Variants in GALNT13 observed in about 807,000 individuals in gnomAD.
GALNT13 encodes the protein UDP-GalNAc:polypeptide N-acetylgalactosaminyltransferase 13.
GALNT13 carries 28 observed loss-of-function variants against 64.2 expected under a neutral mutation model. That is an observed-to-expected ratio of 0.44 (90% CI 0.32 to 0.60). GALNT13 has a LOEUF of 0.60. Ranked by LOEUF, GALNT13 falls within the 20% of genes least tolerant of loss-of-function variation. The probability of loss-of-function intolerance (pLI) is 0.05; values close to 1 mark genes in which losing one functional copy is unlikely to be tolerated. For missense variants in GALNT13, 577 were observed against 669.8 expected (o/e 0.86, Z 1.53); for synonymous variants, 214 against 224.6 (o/e 0.95, Z 0.42).
the GALNT13 span, among the ~76,000 whole-genome samples, chr2:153,453,600 A>G: frequency 6.6e-6 from 1 of 152,208 alleles, no homozygotes; most frequent in East Asian, 1.9e-4. Context: ...TGTTATTATT[A>G]AAAAGTCAAA....
the GALNT13 span, among the ~76,000 whole-genome samples, chr2:153,432,455 G>A: frequency 6.6e-6 from 1 of 152,160 alleles, no homozygotes; most frequent in Admixed American, 6.6e-5. Context: ...GTGAGGGCCT[G>A]AAAATTGATT....
At chr2:153,568,675 C>T in the GALNT13 span, among the ~76,000 whole-genome samples, 3 of 152,108 alleles carry the variant, frequency 2.0e-5, no homozygotes, top group Admixed American at 2.0e-4. Flanking sequence ...CACAAGTGTA[C>T]AGCTCAATAA....
At chr2:153,718,914 CTAAT>C in the GALNT13 span, among the ~76,000 whole-genome samples, 1 of 152,094 alleles carries the variant, frequency 6.6e-6, no homozygotes, top group Non-Finnish European at 1.5e-5. Context: ...CACTACATGT[CTAAT>C]TAAACACGGG....
chr2:153,221,405 A>G, the GALNT13 span, among the ~76,000 whole-genome samples: 1 of 152,212 alleles, frequency 6.6e-6, no homozygotes, highest in Non-Finnish European at 1.5e-5. Flanking sequence ...GATGGAAAAA[A>G]ATACATCATG....
the GALNT13 span, among the ~76,000 whole-genome samples, chr2:153,235,185 C>G: frequency 6.6e-6 from 1 of 152,090 alleles, no homozygotes; most frequent in Non-Finnish European, 1.5e-5. Flanking sequence ...TATTCTGAGA[C>G]ATAACAATAT....
At chr2:154,078,813 G>A (rs1397366290) in intron 3 of GALNT13, among the ~76,000 whole-genome samples, 1 of 151,494 alleles carries the variant, frequency 6.6e-6, no homozygotes, top group Non-Finnish European at 1.5e-5. Context: ...GCAGCTTCTA[G>A]AGCCAGATCA....
rs540437010 is a variant in GALNT13, at chr2:154,042,386, C to G, written c.142+97747C>G. On this transcript the variant is annotated intron_variant, in intron 3 of 12. Coordinates refer to ENST00000392825, the MANE Select transcript of GALNT13 (RefSeq NM_052917.4). Reference sequence around the variant, plus strand: ...TTGCTCCCTACTTTCAAAGAAATACCTTATAGTCAGTGGGGGAAAAAAAAC... The same window carrying G: ...TTGCTCCCTACTTTCAAAGAAATACGTTATAGTCAGTGGGGGAAAAAAAAC... Among the ~76,000 whole-genome samples, 28 of 123,752 alleles carry G rather than the reference C, an allele frequency of 2.3e-4. 2 individuals carry two copies. The highest frequency in any genetic ancestry group is 6.7e-4 in the African/African-American group (27 of 40,358). The allele number at this position is 123,752 out of a possible 152,430, so 81.2% of individuals were successfully genotyped here.
At chr2:154,209,953 T>C (rs1687675268) in intron 4 of GALNT13, among the ~76,000 whole-genome samples, 1 of 152,186 alleles carries the variant, frequency 6.6e-6, no homozygotes, top group African/African-American at 2.4e-5. Flanking sequence ...ACAAAAACTA[T>C]CCCTCCTGTC....
chr2:153,525,051 C>G, the GALNT13 span, among the ~76,000 whole-genome samples: 30 of 152,232 alleles, frequency 2.0e-4, 1 homozygote, highest in South Asian at 2.7e-3. Flanking sequence ...TTCTGGATAC[C>G]AGATCAGCCA....
chr2:154,247,945 G>A (rs1436713139), intron 7 of GALNT13, among the ~76,000 whole-genome samples: 2 of 152,014 alleles, frequency 1.3e-5, no homozygotes, highest in African/African-American at 2.4e-5. Flanking sequence ...TAATGTGAAC[G>A]TTCCTTCTAC....
the GALNT13 span, among the ~76,000 whole-genome samples, chr2:153,324,997 C>T: frequency 1.3e-5 from 2 of 151,068 alleles, no homozygotes; most frequent in African/African-American, 4.9e-5. Flanking sequence ...TGCTCTCATA[C>T]AATGATTTAG....
At chr2:154,222,142 A>C (rs1010086060) in intron 4 of GALNT13, among the ~76,000 whole-genome samples, 2 of 152,050 alleles carry the variant, frequency 1.3e-5, no homozygotes, top group African/African-American at 4.8e-5. Context: ...CTTTTTGCAC[A>C]ATTTACAGGT....
chr2:154,316,903 A>T (rs1694348163), intron 9 of GALNT13, among the ~76,000 whole-genome samples: 1 of 152,216 alleles, frequency 6.6e-6, no homozygotes, highest in African/African-American at 2.4e-5. Context: ...AGTGAAAGGA[A>T]TGGAGCTTTG....
the GALNT13 span, among the ~76,000 whole-genome samples, chr2:153,519,925 C>A: frequency 6.6e-6 from 1 of 152,142 alleles, no homozygotes; most frequent in Non-Finnish European, 1.5e-5. Flanking sequence ...AGCAACCCAG[C>A]AGCATATAAT....
the GALNT13 span, among the ~76,000 whole-genome samples, chr2:153,594,197 T>C: frequency 3.2e-4 from 49 of 152,284 alleles, 2 homozygotes; most frequent in Admixed American, 2.7e-3. Context: ...TGCTCTCTTA[T>C]ATACACAGCT....
chr2:153,246,042 G>C, the GALNT13 span, among the ~76,000 whole-genome samples: 1 of 151,404 alleles, frequency 6.6e-6, no homozygotes, highest in Non-Finnish European at 1.5e-5. Context: ...GCAGAAGAAA[G>C]AATATCAGAA....
the GALNT13 span, among the ~76,000 whole-genome samples, chr2:153,412,097 G>A: frequency 2.6e-5 from 4 of 152,116 alleles, no homozygotes; most frequent in Admixed American, 1.3e-4. Context: ...AACATCCAAC[G>A]GTCTCCAAGT....
the GALNT13 span, among the ~76,000 whole-genome samples, chr2:153,092,823 C>T: frequency 0.22 from 33,501 of 152,050 alleles, 4,327 homozygotes; most frequent in East Asian, 0.58. Flanking sequence ...AATTTCCTCT[C>T]TTTCACTTTT....
At chr2:153,679,340 A>G in the GALNT13 span, among the ~76,000 whole-genome samples, 1 of 151,970 alleles carries the variant, frequency 6.6e-6, no homozygotes, top group Non-Finnish European at 1.5e-5. Context: ...GACTGATACA[A>G]CTTCAAAAAT....
Sources: gnomAD v4.1 joint callset for allele counts (sites outside exome capture counted in the v4.1 genomes callset) on GRCh38, gnomAD v4.1.1 for gene constraint, MANE v1.5 for transcripts, NCBI Gene and HGNC (gene_info 2026-07-23, HGNC 2026-07-21) for gene names.